Variants in ZNF91 observed in about 807,000 individuals in gnomAD.
The protein encoded by ZNF91 is zinc finger protein 91 (HPF7, HTF10).
A neutral mutation model predicts 12.6 loss-of-function variants in ZNF91; 7 were observed. The observed-to-expected ratio is 0.55, with a 90% CI of 0.31 to 1.04. The LOEUF is 1.04. ZNF91 is among the 50% of genes least tolerant of loss of function. The probability of loss-of-function intolerance (pLI) is 0.05; values close to 1 mark genes in which losing one functional copy is unlikely to be tolerated. For missense variants in ZNF91, 1,217 were observed against 1,385.4 expected (o/e 0.88, Z 1.93); for synonymous variants, 453 against 462.6 (o/e 0.98, Z 0.27).
At position 23,384,581 on chromosome 19, in the gene ZNF91, A is replaced by C. The variant is rs1969814451; in HGVS notation, c.31-9817T>G. ...GAAAGCAGCCAATAACAAGAAAGGA[A>C]AGAAATTTAAACTGAGACATTCTGT... On this transcript the variant is annotated intron_variant, in intron 1 of 3. Transcript: ENST00000300619. 13 of 1,104,812 alleles carry C rather than the reference A, an allele frequency of 1.2e-5. No individual in the cohort carries two copies. The South Asian group carries it at 4.2e-4, about 36-fold the overall frequency. The allele number at this position is 1,104,812 out of a possible 1,614,324, so 68.4% of individuals were successfully genotyped here. A position where few individuals can be genotyped will look rare whatever the true frequency, so the allele number is the denominator to read the frequency against.
At chr19:23,312,972 G>A (rs1967496382), upstream of ZNF91, among the ~76,000 whole-genome samples, 1 of 152,186 alleles carries the variant, frequency 6.6e-6, no homozygotes, top group Non-Finnish European at 1.5e-5. Flanking sequence ...AGGTAGGCAG[G>A]TGATTCTAAG....
downstream of ZNF91, among the ~76,000 whole-genome samples, chr19:23,354,532 T>C (rs1054580585): frequency 6.6e-6 from 1 of 152,148 alleles, no homozygotes; most frequent in Non-Finnish European, 1.5e-5. Flanking sequence ...TAGAAAAAAG[T>C]TGAAAGCATT....
rs1275937747 is a variant in ZNF91 at position 23,360,901 on chromosome 19, T to G, written c.2078A>C (p.Lys693Thr). 5 of 1,613,900 alleles carry G rather than the reference T, an allele frequency of 3.1e-6. No individual in the cohort carries two copies. The highest frequency in any genetic ancestry group is 4.2e-6 in the Non-Finnish European group (5 of 1,179,856). ...EKPYKCKECD[K>T]TFKRLSTLTK... ...AAGGGTTGAGAGTCGCTTAAAAGTTTTGTCACATTCTTTACATTTGTAGGG... is the reference window on the plus strand; with the variant it reads ...AAGGGTTGAGAGTCGCTTAAAAGTTGTGTCACATTCTTTACATTTGTAGGG... The change falls in exon 4 of 4, where the codon AAA (lysine) becomes ACA (threonine). Residue 693 changes from lysine to threonine, a missense_variant. Physicochemically the swap from Lys to Thr is moderately conservative, Grantham distance 78. Around this residue, in one of 2 missense-constraint regions of ZNF91, gnomAD observed 726 missense variants for 895.5 expected, o/e 0.81. Coordinates refer to ENST00000300619, the MANE Select transcript of ZNF91 (RefSeq NM_003430.4).
Position 23,362,534 on chromosome 19 carries a change from C to A in ZNF91, c.445G>T (p.Ala149Ser), listed in dbSNP as rs1968850359. Residue 149 changes from alanine to serine, a missense_variant, in exon 4 of 4, where the codon GCC (alanine) becomes TCC (serine). Physicochemically the swap from Ala to Ser is moderately conservative, Grantham distance 99. Coordinates refer to ENST00000300619, the MANE Select transcript of ZNF91 (RefSeq NM_003430.4). ...YNKLNQCLTT[A>S]QSKVFQCGKY... The stretch of plus-strand genomic sequence containing the variant: ...CCACATTGAAATACTTTGCTCTGGG[C>A]AGTTGTGAGACACTGGTTAAGTTTA... 1.2e-6 allele frequency: 2 copies of A among 1,601,432 alleles called. No homozygotes were observed. Among genetic ancestry groups the A allele is most frequent in the South Asian group, 1.1e-5 (1 of 89,080 alleles).
At chr19:23,353,123 G>C (rs2145032600), downstream of ZNF91, among the ~76,000 whole-genome samples, 1 of 152,204 alleles carries the variant, frequency 6.6e-6, no homozygotes, top group African/African-American at 2.4e-5. Flanking sequence ...ACAGATATTA[G>C]AAAACATTTC....
rs914279246 is a variant in ZNF91, at chr19:23,394,868, A to C, written c.30+457T>G. 3.9e-5 allele frequency among the ~76,000 whole-genome samples: 6 copies of C among 152,296 alleles called. No individual in the cohort carries two copies. In the East Asian group the frequency reaches 7.7e-4, roughly 20 times the overall value. ...ATTACAAACCATAGCTGGGTGCTCTACAATGTTTGAATCACTCTTTGATTA... is the reference window on the plus strand; with the variant it reads ...ATTACAAACCATAGCTGGGTGCTCTCCAATGTTTGAATCACTCTTTGATTA... On this transcript the variant is annotated intron_variant, in intron 1 of 3. Transcript: ENST00000300619.
intron 1 of ZNF91, chr19:23,323,995 A>C (rs1599689620): frequency 3.1e-4 from 33 of 105,834 alleles, no homozygotes; most frequent in Middle Eastern, 7.4e-3. Flanking sequence ...TCTGCTCCCG[A>C]TTCTCCTCCT....
intron 1 of ZNF91, among the ~76,000 whole-genome samples, chr19:23,319,623 C>T (rs927129138): frequency 1.3e-5 from 2 of 152,232 alleles, no homozygotes; most frequent in African/African-American, 4.8e-5. Context: ...TGCCTGCACC[C>T]TCCTAACAGA....
chr19:23,332,652 G>A (rs551109129), intron 1 of ZNF91, among the ~76,000 whole-genome samples: 1 of 150,000 alleles, frequency 6.7e-6, no homozygotes, highest in South Asian at 2.2e-4. Context: ...TGCCAGGACA[G>A]GGTCCTGATT....
At chr19:23,316,871 C>T (rs1453614738) in intron 1 of ZNF91, among the ~76,000 whole-genome samples, 14 of 152,138 alleles carry the variant, frequency 9.2e-5, no homozygotes, top group Non-Finnish European at 2.1e-4. Context: ...TTCTCATATT[C>T]TTACACTACC....
In ZNF91 at chr19:23,358,410, T is replaced by G. The variant is rs1029085064; in HGVS notation, c.*993A>C. The G allele has an allele frequency of 6.6e-6, 1 of 152,242 alleles. No homozygotes were observed. The highest frequency in any genetic ancestry group is 6.5e-5 in the Admixed American group (1 of 15,290). The allele number at this position is 152,242 out of a possible 1,614,324, so 9.4% of individuals were successfully genotyped here. A position where few individuals can be genotyped will look rare whatever the true frequency, so the allele number is the denominator to read the frequency against. ...CTACTTAAATTTTCATCATGCATCT[T>G]ACATTTTTAATGTCCTTACCTTTCC... On this transcript the variant is annotated 3_prime_UTR_variant, in exon 4 of 4. Coordinates refer to ENST00000300619, the MANE Select transcript of ZNF91 (RefSeq NM_003430.4).
intron 1 of ZNF91, among the ~76,000 whole-genome samples, chr19:23,377,539 C>G (rs947703977): frequency 6.6e-6 from 1 of 152,170 alleles, no homozygotes; most frequent in Non-Finnish European, 1.5e-5. Context: ...AACAAGTCCC[C>G]TGTCAGTGCT....
chr19:23,395,382 G>C lies in ZNF91; in HGVS notation c.-28C>G, dbSNP rs750655757. 1 of 1,613,392 alleles carries C rather than the reference G, an allele frequency of 6.2e-7. No individual in the cohort carries two copies. Among genetic ancestry groups the C allele is most frequent in the Non-Finnish European group, 8.5e-7 (1 of 1,179,696 alleles). On this transcript the variant is annotated 5_prime_UTR_variant, in exon 1 of 4. Coordinates refer to ENST00000300619, the MANE Select transcript of ZNF91 (RefSeq NM_003430.4). ...TAGCTGTGGCTCTCCAATACCTGCA[G>C]GTCACAGGGCCACACAGGCTGGGCC... is the stretch of plus-strand genomic sequence containing the variant.
Position 23,395,444 on chromosome 19 carries a change from C to T in ZNF91, c.-90G>A. 1.3e-6 allele frequency: 2 copies of T among 1,493,088 alleles called. No homozygotes were observed. Among genetic ancestry groups the T allele is most frequent in the Non-Finnish European group, 1.8e-6 (2 of 1,092,768 alleles). The allele number at this position is 1,493,088 out of a possible 1,614,324, so 92.5% of individuals were successfully genotyped here. A position where few individuals can be genotyped will look rare whatever the true frequency, so the allele number is the denominator to read the frequency against. On this transcript the variant is annotated 5_prime_UTR_variant, in exon 1 of 4. Transcript: ENST00000300619. ...AGGACACAGAGCAGTGAAGTCGAGA[C>T]CTGGAAACTCCGGCGGCAGCGAGAG...
intron 3 of ZNF91, among the ~76,000 whole-genome samples, chr19:23,373,389 T>TAA (rs1293070973): frequency 3.1e-5 from 4 of 130,684 alleles, no homozygotes; most frequent in Non-Finnish European, 5.0e-5. Flanking sequence ...TATATATAAA[T>TAA]AAACAGTACT....
rs775581325 is a variant in ZNF91, at chr19:23,361,803, G to A, written c.1176C>T (p.Thr392=). The change falls in exon 4 of 4, where the codon ACC becomes ACT. Residue 392 remains threonine, a synonymous_variant. Coordinates refer to ENST00000300619, the MANE Select transcript of ZNF91 (RefSeq NM_003430.4). ...ECDKAFKRLS[T]LTKHKIIHAG... ...CATGTATTATTTTATGTTTAGTAAG[G>A]GTTGAGAGTCGCTTAAAAGCTTTGT... 3.7e-6 allele frequency: 6 copies of A among 1,609,130 alleles called. No homozygotes were observed. Among genetic ancestry groups the A allele is most frequent in the Non-Finnish European group, 5.1e-6 (6 of 1,176,504 alleles).
At chr19:23,327,735 A>G (rs1016631854) in intron 1 of ZNF91, 1 of 152,074 alleles carries the variant, frequency 6.6e-6, no homozygotes, top group African/African-American at 2.4e-5. Flanking sequence ...TAGAGTTTTA[A>G]TTGTTTGTTA....
chr19:23,335,855 C>T (rs187977131), downstream of ZNF91, among the ~76,000 whole-genome samples: 6 of 152,314 alleles, frequency 3.9e-5, no homozygotes, highest in Non-Finnish European at 1.5e-5. Flanking sequence ...TGAGATGAAC[C>T]CAGTACCTCA....
chr19:23,332,209 A>C (rs759551922), intron 1 of ZNF91, among the ~76,000 whole-genome samples: 57 of 152,192 alleles, frequency 3.7e-4, no homozygotes, highest in South Asian at 1.4e-3. Flanking sequence ...GTAAGTCAAT[A>C]ATCAAAAGTT....
Sources: gnomAD v4.1 joint callset for allele counts (sites outside exome capture counted in the v4.1 genomes callset) on GRCh38, gnomAD v4.1.1 for gene constraint, gnomAD v4.1.1 regional missense constraint, MANE v1.5 for transcripts, NCBI Gene and HGNC (gene_info 2026-07-23, HGNC 2026-07-21) for gene names.